The following CFAP221 variants were observed in gnomAD, a reference collection of about 807,000 sequenced individuals.
CFAP221 encodes the protein cilia- and flagella-associated protein 221.
In CFAP221, 97 loss-of-function variants were observed where a neutral mutation model predicts 113.1. The observed-to-expected ratio is 0.86, with a 90% CI of 0.73 to 1.02. CFAP221 has a LOEUF of 1.02. Among genes scored for constraint, CFAP221 ranks in the 50% least tolerant of loss-of-function variants. The pLI is 0.00. For missense variants in CFAP221, 1,025 were observed against 1,013.4 expected (o/e 1.01, Z -0.16); for synonymous variants, 331 against 354.4 (o/e 0.93, Z 0.74).
rs1395120705 is a variant in CFAP221 at position 119,608,869 on chromosome 2, G to C, written c.1221+280G>C. The stretch of plus-strand genomic sequence containing the variant: ...ATAATTTTTTGAAAAGTAGCAAAGA[G>C]GACAAAGGCATTCACATGGAGGGAA... On this transcript the variant is annotated intron_variant, in intron 12 of 23. Coordinates refer to ENST00000413369, the MANE Select transcript of CFAP221 (RefSeq NM_001271049.2). Among the ~76,000 whole-genome samples the C allele has an allele frequency of 2.0e-5, 3 of 152,202 alleles. No individual in the cohort carries two copies. The East Asian group carries it at 5.8e-4, about 29-fold the overall frequency.
At position 119,559,910 on chromosome 2, in the gene CFAP221, A is replaced by G. The variant is rs1251045834; in HGVS notation, c.328-18A>G. ...GCAGTCCGGGGCTTGTCCCAACAAG[A>G]TGCCACCTGTCTTCCAGGAACACCA... On this transcript the variant is annotated intron_variant, in intron 4 of 23. Transcript: ENST00000413369. 2.0e-6 allele frequency: 3 copies of G among 1,530,000 alleles called. No individual in the cohort carries two copies. The highest frequency in any genetic ancestry group is 2.6e-6 in the Non-Finnish European group (3 of 1,141,592). The allele number at this position is 1,530,000 out of a possible 1,614,324, so 94.8% of individuals were successfully genotyped here.
chr2:119,551,023 G>A (rs1271094426), intron 3 of CFAP221, among the ~76,000 whole-genome samples: 3 of 152,168 alleles, frequency 2.0e-5, no homozygotes, highest in Non-Finnish European at 2.9e-5. Context: ...TCTTGTGACT[G>A]ACTTCTTTCA....
intron 6 of CFAP221, among the ~76,000 whole-genome samples, chr2:119,579,633 T>G (rs1344297091): frequency 6.6e-6 from 1 of 152,220 alleles, no homozygotes; most frequent in Non-Finnish European, 1.5e-5. Flanking sequence ...GTACTTGGAA[T>G]TTTGTGCCCT....
intron 19 of CFAP221, among the ~76,000 whole-genome samples, chr2:119,632,846 C>A (rs1686870887): frequency 6.6e-6 from 1 of 151,922 alleles, no homozygotes. Context: ...ATACTAGCAA[C>A]AAACATTCTG....
At chr2:119,615,560 G>T in intron 13 of CFAP221, 51 bp from the exon 14 acceptor site, 3 of 1,310,862 alleles carry the variant, frequency 2.3e-6, no homozygotes, top group South Asian at 1.4e-5. Flanking sequence ...AGATGTTTAT[G>T]ACAGGAGTTA....
At chr2:119,638,717 G>A (rs945133866) in intron 20 of CFAP221, among the ~76,000 whole-genome samples, 3 of 152,082 alleles carry the variant, frequency 2.0e-5, no homozygotes, top group Admixed American at 1.3e-4. Flanking sequence ...ACAGCCACAC[G>A]GTATGCACAA....
At chr2:119,629,066 C>T (rs1686575602) in intron 16 of CFAP221, among the ~76,000 whole-genome samples, 1 of 152,206 alleles carries the variant, frequency 6.6e-6, no homozygotes, top group Non-Finnish European at 1.5e-5. Context: ...TTTATAAATA[C>T]TGTATTTCAT....
intron 23 of CFAP221, chr2:119,656,109 CAG>C (rs1395128604): frequency 1.1e-5 from 5 of 455,160 alleles, no homozygotes; most frequent in Admixed American, 3.5e-5. Context: ...CATCAGGAAA[CAG>C]GGGCTGTGGA....
chr2:119,550,289 G>A, intron 3 of CFAP221, among the ~76,000 whole-genome samples: 1 of 152,174 alleles, frequency 6.6e-6, no homozygotes, highest in Non-Finnish European at 1.5e-5. Context: ...TTAGAGTGAG[G>A]CAAAACACTG....
chr2:119,574,603 C>T (rs1475894329), intron 6 of CFAP221, among the ~76,000 whole-genome samples: 2 of 152,156 alleles, frequency 1.3e-5, no homozygotes, highest in Non-Finnish European at 2.9e-5. Flanking sequence ...CTGATTAATA[C>T]AGCTGTCAAA....
At chr2:119,636,259 G>T (rs955885250) in intron 19 of CFAP221, among the ~76,000 whole-genome samples, 7 of 152,176 alleles carry the variant, frequency 4.6e-5, no homozygotes, top group Non-Finnish European at 7.3e-5. Context: ...CATGAGCAAA[G>T]CATGAAGGTC....
intron 7 of CFAP221, among the ~76,000 whole-genome samples, chr2:119,593,263 A>G (rs1683720041): frequency 1.3e-5 from 2 of 152,134 alleles, no homozygotes; most frequent in Non-Finnish European, 2.9e-5. Context: ...GTGTATACAT[A>G]TGAGTGTGTG....
At chr2:119,630,021 T>G in intron 17 of CFAP221, 66 bp downstream of exon 17, 4 of 1,363,552 alleles carry the variant, frequency 2.9e-6, no homozygotes, top group Non-Finnish European at 3.1e-6. Flanking sequence ...TTCTTGAATT[T>G]GAATTGCAGT....
intron 12 of CFAP221, among the ~76,000 whole-genome samples, chr2:119,610,428 C>A (rs920918259): frequency 1.3e-5 from 2 of 152,060 alleles, no homozygotes; most frequent in African/African-American, 4.8e-5. Context: ...GATGGCACAG[C>A]CCTCAAGGAT....
chr2:119,558,236 C>T lies in CFAP221; in HGVS notation c.241-1453C>T, dbSNP rs116405694. 7.6e-3 allele frequency among the ~76,000 whole-genome samples: 1,161 copies of T among 152,240 alleles called. 13 individuals are homozygous for T. The highest frequency in any genetic ancestry group is 0.026 in the African/African-American group (1,097 of 41,530). On this transcript the variant is annotated intron_variant, in intron 3 of 23. Coordinates refer to ENST00000413369, the MANE Select transcript of CFAP221 (RefSeq NM_001271049.2). ...GGCCTGGGGCTGAGTGGCCCCTCTC[C>T]ATCCTCAGGCGGGCCCTGTCATCCC... is the stretch of plus-strand genomic sequence containing the variant.
chr2:119,639,914 C>T (rs1163995902), intron 21 of CFAP221, 42 bp downstream of exon 21: 3 of 1,514,166 alleles, frequency 2.0e-6, no homozygotes, highest in East Asian at 2.3e-5. Context: ...ATGTGTGCCC[C>T]ATGTATTACA....
In CFAP221 at chr2:119,633,913, A is replaced by G. The variant is rs144257616; in HGVS notation, c.1974+3012A>G. Among the ~76,000 whole-genome samples the G allele has an allele frequency of 8.0e-3, 1,217 of 152,304 alleles. 5 individuals are homozygous for G. Among genetic ancestry groups the G allele is most frequent in the Non-Finnish European group, 0.014 (946 of 68,012 alleles). On this transcript the variant is annotated intron_variant, in intron 19 of 23. Transcript: ENST00000413369. ...GCATCCACTGTAGAAAATAGTATGG[A>G]GGTTCCTCAAAAAATTAAATACAGA...
intron 6 of CFAP221, among the ~76,000 whole-genome samples, chr2:119,585,215 A>G (rs1449076177): frequency 6.6e-6 from 1 of 152,238 alleles, no homozygotes; most frequent in Non-Finnish European, 1.5e-5. Context: ...ACAACATACT[A>G]TATATTTTAT....
intron 8 of CFAP221, among the ~76,000 whole-genome samples, chr2:119,602,360 G>A (rs1574102300): frequency 2.0e-5 from 3 of 152,298 alleles, no homozygotes; most frequent in East Asian, 1.9e-4. Flanking sequence ...GGGTGCCAGA[G>A]CGAGACATCA....
Sources: gnomAD v4.1 joint callset for allele counts (sites outside exome capture counted in the v4.1 genomes callset) on GRCh38, gnomAD v4.1.1 for gene constraint, MANE v1.5 for transcripts, NCBI Gene and HGNC (gene_info 2026-07-23, HGNC 2026-07-21) for gene names.